NCK2: variants seen among roughly 807,000 people sequenced by gnomAD.
NCK2 encodes the protein cytoplasmic protein NCK2.
NCK2 carries 16 observed loss-of-function variants against 33.9 expected under a neutral mutation model. The observed-to-expected ratio is 0.47, with a 90% CI of 0.32 to 0.72. The LOEUF is 0.72. Among genes scored for constraint, NCK2 ranks in the 30% least tolerant of loss-of-function variants. NCK2 has a pLI of 0.03. For missense variants in NCK2, 418 were observed against 537.3 expected, an observed-to-expected ratio of 0.78 and a Z score of 2.19; for synonymous variants, 273 against 239.9, an observed-to-expected ratio of 1.14 and a Z score of -1.27.
intron 4 of NCK2, among the ~76,000 whole-genome samples, chr2:105,888,768 A>C (rs1029269846): frequency 6.6e-5 from 10 of 152,170 alleles, no homozygotes; most frequent in Admixed American, 1.3e-4. Context: ...AGGGTGAGCC[A>C]GCTGTCATGT....
chr2:105,791,633 C>T (rs931292594), intron 1 of NCK2, among the ~76,000 whole-genome samples: 6 of 152,124 alleles, frequency 3.9e-5, no homozygotes, highest in Admixed American at 6.5e-5. Flanking sequence ...GAACTGACTC[C>T]ATAATAGATC....
chr2:105,849,822 C>T (rs969853066), intron 2 of NCK2, among the ~76,000 whole-genome samples: 11 of 152,180 alleles, frequency 7.2e-5, no homozygotes, highest in Admixed American at 2.6e-4. Context: ...GAACATGGCC[C>T]CTCCTGACAG....
intron 1 of NCK2, among the ~76,000 whole-genome samples, chr2:105,787,357 G>A (rs762278980): frequency 5.9e-5 from 9 of 152,204 alleles, no homozygotes; most frequent in Non-Finnish European, 1.2e-4. Context: ...CCCCCAGTGT[G>A]ACTATATTTG....
intron 1 of NCK2, among the ~76,000 whole-genome samples, chr2:105,752,127 C>T (rs1400629786): frequency 2.0e-5 from 3 of 152,120 alleles, no homozygotes; most frequent in Non-Finnish European, 4.4e-5. Context: ...TTTTGATTGG[C>T]CTTGGCCACA....
At chr2:105,873,609 T>A (rs1194649516) in intron 3 of NCK2, among the ~76,000 whole-genome samples, 1 of 152,118 alleles carries the variant, frequency 6.6e-6, no homozygotes, top group Non-Finnish European at 1.5e-5. Flanking sequence ...TTTGGCTCGT[T>A]TAAGGGGATG....
intron 2 of NCK2, among the ~76,000 whole-genome samples, chr2:105,830,670 GGTGTGTGTGTGTGTGT>G (rs56220635): frequency 0.073 from 7,224 of 99,028 alleles, 225 homozygotes; most frequent in East Asian, 0.17. Context: ...CCAGGAATTT[GGTGTGTGTGTGTGTGT>G]GTGTGTGTGT....
intron 2 of NCK2, among the ~76,000 whole-genome samples, chr2:105,829,083 T>C: frequency 6.6e-6 from 1 of 152,160 alleles, no homozygotes. Flanking sequence ...TGCTAGCTAG[T>C]GAAGTACTCT....
At chr2:105,783,540 A>G (rs945312416) in intron 1 of NCK2, among the ~76,000 whole-genome samples, 3 of 152,168 alleles carry the variant, frequency 2.0e-5, no homozygotes, top group African/African-American at 4.8e-5. Flanking sequence ...GCACAGGTTA[A>G]TGTGCAGTAT....
At chr2:105,791,331 T>C (rs1690875975) in intron 1 of NCK2, among the ~76,000 whole-genome samples, 1 of 152,164 alleles carries the variant, frequency 6.6e-6, no homozygotes, top group East Asian at 1.9e-4. Flanking sequence ...CCACGTAACC[T>C]CTGTGCCTTC....
chr2:105,771,349 C>T (rs778442896), intron 1 of NCK2, among the ~76,000 whole-genome samples: 39 of 151,758 alleles, frequency 2.6e-4, no homozygotes, highest in Non-Finnish European at 5.0e-4. Flanking sequence ...GGTGGATCAC[C>T]TGAGGTCAGG....
intron 1 of NCK2, among the ~76,000 whole-genome samples, chr2:105,762,513 C>T (rs1400336921): frequency 6.6e-6 from 1 of 152,168 alleles, no homozygotes; most frequent in Admixed American, 6.5e-5. Flanking sequence ...TTCCTAAAGA[C>T]GGTGTCCTGA....
At chr2:105,866,644 C>T (rs1050612441) in intron 3 of NCK2, among the ~76,000 whole-genome samples, 1 of 152,216 alleles carries the variant, frequency 6.6e-6, no homozygotes, top group South Asian at 2.1e-4. Context: ...CACCGCCTGA[C>T]AGGAGGCAGA....
chr2:105,881,616 C>T lies in NCK2; in HGVS notation c.515C>T (p.Ala172Val). The T allele has an allele frequency of 1.9e-6, 3 of 1,613,522 alleles. No homozygotes were observed. The highest frequency in any genetic ancestry group is 2.5e-6 in the Non-Finnish European group (3 of 1,179,868). Residue 172 changes from alanine to valine, a missense_variant, in exon 4 of 5, where the codon GCG becomes GTG. Physicochemically the swap from Ala to Val is moderately conservative, Grantham distance 64. Transcript: ENST00000233154. ...TACGTCTTGGAGGAGGTGGACGAGG[C>T]GGCTGCGGAGTCCCCAAGCTTCCTG... ...SNYVLEEVDE[A>V]AAESPSFLSL... is the part of the protein sequence containing the mutation.
In NCK2 at chr2:105,847,693, C is replaced by T. The variant is rs531902610; in HGVS notation, c.-16-7355C>T. On this transcript the variant is annotated intron_variant, in intron 2 of 4. Transcript: ENST00000233154. ...GAGGGAGGAGAATTCACTGGATAAT[C>T]ACCCATCCCAAGTACTTAAGCATAA... Among the ~76,000 whole-genome samples the T allele has an allele frequency of 8.8e-4, 134 of 152,272 alleles. 1 individual carries two copies. The highest frequency in any genetic ancestry group is 3.2e-3 in the African/African-American group (133 of 41,546).
chr2:105,881,229 A>G (rs1280772712), intron 3 of NCK2, 99 bp from the exon 4 acceptor site: 4 of 1,475,104 alleles, frequency 2.7e-6, no homozygotes, highest in African/African-American at 1.4e-5. Flanking sequence ...GTCCCCTTGT[A>G]TTTAACCGCC....
At chr2:105,834,996 T>C (rs949972765) in intron 2 of NCK2, among the ~76,000 whole-genome samples, 3 of 152,200 alleles carry the variant, frequency 2.0e-5, no homozygotes, top group African/African-American at 7.2e-5. Flanking sequence ...AAGGTTGTTA[T>C]TGAGAGATGA....
intron 1 of NCK2, among the ~76,000 whole-genome samples, chr2:105,775,950 AAC>A (rs1317022527): frequency 6.6e-6 from 1 of 152,266 alleles, no homozygotes; most frequent in African/African-American, 2.4e-5. Context: ...CAACAAAAAA[AAC>A]AGTGCGAGGG....
chr2:105,798,513 A>G (rs1223347099), intron 1 of NCK2, among the ~76,000 whole-genome samples: 1 of 152,248 alleles, frequency 6.6e-6, no homozygotes, highest in African/African-American at 2.4e-5. Flanking sequence ...GAGAGAAGAA[A>G]TAAGGGTTAA....
intron 1 of NCK2, among the ~76,000 whole-genome samples, chr2:105,796,591 G>C (rs150463318): frequency 3.6e-4 from 55 of 152,292 alleles, no homozygotes; most frequent in African/African-American, 1.3e-3. Flanking sequence ...ACTGAGCCTG[G>C]GAGCTGGAAG....
Sources: gnomAD v4.1 joint callset for allele counts (sites outside exome capture counted in the v4.1 genomes callset) on GRCh38, gnomAD v4.1.1 for gene constraint, MANE v1.5 for transcripts, NCBI Gene and HGNC (gene_info 2026-07-23, HGNC 2026-07-21) for gene names.